TMPRSS15: variants seen among roughly 807,000 people sequenced by gnomAD.
TMPRSS15 encodes enteropeptidase.
In TMPRSS15, 128 loss-of-function variants were observed where a neutral mutation model predicts 125.3. The observed-to-expected ratio is 1.02, with a 90% CI of 0.89 to 1.18. The LOEUF is 1.18. Among genes scored for constraint, TMPRSS15 ranks in the 50% most tolerant of loss-of-function variants. The pLI, the probability that TMPRSS15 is intolerant of heterozygous loss-of-function variation, is 0.00. For missense variants in TMPRSS15, 1,283 were observed against 1,212.7 expected, an observed-to-expected ratio of 1.06 and a Z score of -0.86; for synonymous variants, 446 against 423.2, an observed-to-expected ratio of 1.05 and a Z score of -0.66.
chr21:18,328,335 A>G (rs1000306242), intron 15 of TMPRSS15, among the ~76,000 whole-genome samples: 2 of 152,196 alleles, frequency 1.3e-5, no homozygotes, highest in African/African-American at 4.8e-5. Context: ...AGTACTAGAG[A>G]CACAGCCAAA....
rs182431642 is a variant in TMPRSS15 at position 18,429,463 on chromosome 21, C to G, written c.11-31134G>C. 3.9e-5 allele frequency among the ~76,000 whole-genome samples: 6 copies of G among 152,196 alleles called. No individual in the cohort carries two copies. In the East Asian group the frequency reaches 1.2e-3, roughly 30 times the overall value. On this transcript the variant is annotated intron_variant, in intron 1 of 7. Coordinates refer to the TMPRSS15 transcript ENST00000422787. ...TCTTGAATTATACTCCCATAATTCCCATGTGCTGTGGGAGGGAACCAGTGG... is the reference window on the plus strand; with the variant it reads ...TCTTGAATTATACTCCCATAATTCCGATGTGCTGTGGGAGGGAACCAGTGG...
intron 1 of TMPRSS15, among the ~76,000 whole-genome samples, chr21:18,455,823 C>T (rs1007660136): frequency 1.3e-5 from 2 of 152,088 alleles, no homozygotes; most frequent in Non-Finnish European, 2.9e-5. Context: ...GTAATTGTAA[C>T]TAATTTTAAC....
intron 13 of TMPRSS15, among the ~76,000 whole-genome samples, chr21:18,339,342 A>G (rs79474433): frequency 0.02 from 3,025 of 152,278 alleles, 53 homozygotes; most frequent in Non-Finnish European, 0.027. Flanking sequence ...CTTCAACCTA[A>G]TGGTAGCTCA....
intron 3 of TMPRSS15, among the ~76,000 whole-genome samples, chr21:18,394,809 C>T (rs972695393): frequency 1.3e-5 from 2 of 152,064 alleles, no homozygotes; most frequent in Non-Finnish European, 2.9e-5. Flanking sequence ...ACCTTTAAAT[C>T]CAGTGACGGA....
intron 21 of TMPRSS15, among the ~76,000 whole-genome samples, chr21:18,287,026 C>T (rs527892738): frequency 1.3e-5 from 2 of 152,300 alleles, no homozygotes; most frequent in Admixed American, 6.5e-5. Flanking sequence ...ACCACTGTAT[C>T]GAAAACAACC....
At chr21:18,300,486 C>T (rs554458271) in intron 18 of TMPRSS15, among the ~76,000 whole-genome samples, 8 of 151,886 alleles carry the variant, frequency 5.3e-5, no homozygotes, top group Admixed American at 3.9e-4. Context: ...GGACTATAGG[C>T]GTGTGCCACC....
At chr21:18,329,043 A>T in intron 15 of TMPRSS15, 126 bp downstream of exon 15, 1 of 1,047,976 alleles carries the variant, frequency 9.5e-7, no homozygotes, top group Non-Finnish European at 1.4e-6. Flanking sequence ...AACTCATGTC[A>T]CTTTACTATT....
intron 18 of TMPRSS15, among the ~76,000 whole-genome samples, chr21:18,300,278 T>C (rs1031402774): frequency 2.0e-5 from 3 of 147,734 alleles, no homozygotes; most frequent in African/African-American, 7.3e-5. Flanking sequence ...TCTCTCTTCT[T>C]TCTCTCTCTC....
intron 5 of TMPRSS15, among the ~76,000 whole-genome samples, chr21:18,375,260 T>C (rs1356684229): frequency 1.3e-5 from 2 of 152,182 alleles, no homozygotes; most frequent in Admixed American, 6.5e-5. Context: ...CACTCTTTCA[T>C]TTCCTACATG....
At chr21:18,440,649 T>A (rs1259762141) in intron 1 of TMPRSS15, among the ~76,000 whole-genome samples, 1 of 151,866 alleles carries the variant, frequency 6.6e-6, no homozygotes, top group Admixed American at 6.6e-5. Context: ...CTACTCAATT[T>A]AAAAAAAATC....
chr21:18,340,786 C>T (rs954014777), intron 13 of TMPRSS15, among the ~76,000 whole-genome samples: 21 of 152,158 alleles, frequency 1.4e-4, no homozygotes, highest in South Asian at 2.1e-4. Flanking sequence ...GACCATGCCA[C>T]GTGGCCAGTA....
At chr21:18,334,302 C>T (rs2075371317) in intron 13 of TMPRSS15, among the ~76,000 whole-genome samples, 1 of 152,190 alleles carries the variant, frequency 6.6e-6, no homozygotes, top group African/African-American at 2.4e-5. Context: ...AGAGATAGGG[C>T]ATGGTCCTGT....
chr21:18,370,746 G>C (rs1422225797), intron 6 of TMPRSS15, among the ~76,000 whole-genome samples: 1 of 152,126 alleles, frequency 6.6e-6, no homozygotes, highest in Non-Finnish European at 1.5e-5. Flanking sequence ...GGAAATCTCT[G>C]TAGTAGAGTT....
chr21:18,394,680 T>C (rs999343630), intron 3 of TMPRSS15, among the ~76,000 whole-genome samples: 3 of 151,350 alleles, frequency 2.0e-5, no homozygotes, highest in Non-Finnish European at 4.4e-5. Context: ...TTGCCTCCAG[T>C]TTTTACTAAA....
intron 10 of TMPRSS15, among the ~76,000 whole-genome samples, chr21:18,347,169 C>T (rs964536659): frequency 2.0e-5 from 3 of 151,816 alleles, no homozygotes; most frequent in Non-Finnish European, 2.9e-5. Flanking sequence ...TTAAAAGTAA[C>T]CACTTTTTCT....
In TMPRSS15 at chr21:18,326,300, T is replaced by TA. The variant is rs2075289886; in HGVS notation, c.1921+131_1921+132insT. 3 of 1,322,530 alleles carry TA rather than the reference T, an allele frequency of 2.3e-6. No homozygotes were observed. In the South Asian group the frequency reaches 3.6e-5, roughly 16 times the overall value. The allele number at this position is 1,322,530 out of a possible 1,614,324, so 81.9% of individuals were successfully genotyped here. Reference sequence around the variant, plus strand: ...AGATGTAAAGGAGGAAAAATCATCTTCATTAAGATGAGGAAGAATAAGTGT... The same window carrying TA: ...AGATGTAAAGGAGGAAAAATCATCTTACATTAAGATGAGGAAGAATAAGTGT... On this transcript the variant is annotated intron_variant, in intron 16 of 24. Coordinates refer to ENST00000284885, the MANE Select transcript of TMPRSS15 (RefSeq NM_002772.3).
rs184045462 is a variant in TMPRSS15 at position 18,323,031 on chromosome 21, A to C, written c.1921+3401T>G. On this transcript the variant is annotated intron_variant, in intron 16 of 24. Coordinates refer to ENST00000284885, the MANE Select transcript of TMPRSS15 (RefSeq NM_002772.3). Reference sequence around the variant, plus strand: ...ATTATGAGTCCATAAAACACAATTTAAACAAACTGTAACTGTAACTTTTGA... The same window carrying C: ...ATTATGAGTCCATAAAACACAATTTCAACAAACTGTAACTGTAACTTTTGA... 2.0e-4 allele frequency among the ~76,000 whole-genome samples: 30 copies of C among 152,352 alleles called. No homozygotes were observed. The East Asian group carries it at 4.8e-3, about 24-fold the overall frequency.
At chr21:18,462,546 A>G (rs1978571289) in intron 1 of TMPRSS15, among the ~76,000 whole-genome samples, 1 of 152,146 alleles carries the variant, frequency 6.6e-6, no homozygotes, top group South Asian at 2.1e-4. Flanking sequence ...TTTGAATAAC[A>G]TTGTTAAAAT....
intron 1 of TMPRSS15, among the ~76,000 whole-genome samples, chr21:18,450,229 C>T (rs986025825): frequency 1.3e-5 from 2 of 151,436 alleles, no homozygotes; most frequent in African/African-American, 4.8e-5. Context: ...GGAATTATTC[C>T]AGATGAAGTA....
Sources: allele counts gnomAD v4.1 joint callset (sites outside exome capture counted in the v4.1 genomes callset), GRCh38; gene constraint gnomAD v4.1.1; transcripts MANE v1.5; gene names NCBI Gene and HGNC (gene_info 2026-07-23, HGNC 2026-07-21).